KCNQ5: variants seen among roughly 807,000 people sequenced by gnomAD.
KCNQ5 encodes potassium voltage-gated channel subfamily KQT member 5.
KCNQ5 carries 30 observed loss-of-function variants against 98.2 expected under a neutral mutation model. The ratio of observed to expected loss-of-function variants is 0.31; its 90% confidence interval spans 0.23 to 0.41. KCNQ5 has a LOEUF of 0.41. Among genes scored for constraint, KCNQ5 ranks in the 10% least tolerant of loss-of-function variants. The pLI is 1.00. For missense variants in KCNQ5, 835 were observed against 1,182.5 expected, an observed-to-expected ratio of 0.71 and a Z score of 4.31; for synonymous variants, 458 against 449.4, an observed-to-expected ratio of 1.02 and a Z score of -0.24.
intron 1 of KCNQ5, among the ~76,000 whole-genome samples, chr6:72,860,067 A>G (rs921895780): frequency 6.6e-6 from 1 of 152,166 alleles, no homozygotes; most frequent in African/African-American, 2.4e-5. Flanking sequence ...AGGGAAGACA[A>G]TGCCCTCTCC....
At chr6:73,136,379 A>G (rs1000336448) in intron 10 of KCNQ5, among the ~76,000 whole-genome samples, 1 of 152,222 alleles carries the variant, frequency 6.6e-6, no homozygotes, top group East Asian at 1.9e-4. Context: ...AGTCACCACT[A>G]TCTATCACAA....
chr6:72,885,645 G>A lies in KCNQ5; in HGVS notation c.399-118263G>A, dbSNP rs891590391. On this transcript the variant is annotated intron_variant, in intron 1 of 13. Transcript: ENST00000370398. The stretch of plus-strand genomic sequence containing the variant: ...AAAAAAATAAGAGAGCCCCTTAAAG[G>A]CCTGAATTAAAGAGCGATTTTGAAT... Among the ~76,000 whole-genome samples the A allele has an allele frequency of 2.6e-5, 4 of 152,102 alleles. 1 individual carries two copies. In the South Asian group the frequency reaches 8.3e-4, roughly 32 times the overall value.
chr6:72,764,448 C>T (rs1047760413), intron 1 of KCNQ5, among the ~76,000 whole-genome samples: 2 of 151,798 alleles, frequency 1.3e-5, no homozygotes, highest in African/African-American at 4.8e-5. Flanking sequence ...AATCCCTGAT[C>T]CCTTTTTTAT....
In KCNQ5 at chr6:72,979,957, G is replaced by C. The variant is rs543108488; in HGVS notation, c.399-23951G>C. 2.0e-4 allele frequency among the ~76,000 whole-genome samples: 31 copies of C among 152,186 alleles called. 1 individual carries two copies. In the South Asian group the frequency reaches 5.2e-3, roughly 26 times the overall value. On this transcript the variant is annotated intron_variant, in intron 1 of 13. Coordinates refer to ENST00000370398, the MANE Select transcript of KCNQ5 (RefSeq NM_019842.4). Reference sequence around the variant, plus strand: ...AATTCTTTCCCCATTTCTTGTTTTTGTCAGGTTTGCCAAAGCTCAGATGGT... The same window carrying C: ...AATTCTTTCCCCATTTCTTGTTTTTCTCAGGTTTGCCAAAGCTCAGATGGT...
chr6:72,638,012 G>A (rs1311488576), intron 1 of KCNQ5, among the ~76,000 whole-genome samples: 2 of 152,174 alleles, frequency 1.3e-5, no homozygotes, highest in African/African-American at 2.4e-5. Flanking sequence ...CTTCCCAAAC[G>A]AAGCAGCTAC....
At position 73,197,451 on chromosome 6, in the gene KCNQ5, TA is replaced by T. The variant is rs1274449326; in HGVS notation, c.*2039del. ...TAGAGGCTAAATTTTACACTTCAGT[TA>T]AGACATTGTCAATCCTTTTAAGCAA... On this transcript the variant is annotated 3_prime_UTR_variant, in exon 14 of 14. Coordinates refer to ENST00000370398, the MANE Select transcript of KCNQ5 (RefSeq NM_019842.4). The T allele has an allele frequency of 6.6e-6, 1 of 152,164 alleles. No individual in the cohort carries two copies. The highest frequency in any genetic ancestry group is 1.5e-5 in the Non-Finnish European group (1 of 68,032). 9.4% of individuals were successfully genotyped at this position (152,164 alleles called of 1,614,324 possible). A position where few individuals can be genotyped will look rare whatever the true frequency, so the allele number is the denominator to read the frequency against.
intron 5 of KCNQ5, among the ~76,000 whole-genome samples, chr6:73,100,650 C>A (rs1403283420): frequency 1.4e-5 from 2 of 147,216 alleles, no homozygotes; most frequent in African/African-American, 2.5e-5. Context: ...GCCTGGGCAA[C>A]AGAGTGAGAC....
At chr6:72,944,958 G>A (rs1766468104) in intron 1 of KCNQ5, among the ~76,000 whole-genome samples, 1 of 152,090 alleles carries the variant, frequency 6.6e-6, no homozygotes, top group Non-Finnish European at 1.5e-5. Context: ...AAATTCCTGA[G>A]GACAGAATTT....
At chr6:73,056,129 G>A (rs779032964) in intron 3 of KCNQ5, among the ~76,000 whole-genome samples, 10 of 152,314 alleles carry the variant, frequency 6.6e-5, no homozygotes, top group Non-Finnish European at 1.3e-4. Flanking sequence ...TTGGGTTTTT[G>A]CAAGTGCTTT....
At chr6:72,741,816 T>C (rs1771143413) in intron 1 of KCNQ5, among the ~76,000 whole-genome samples, 1 of 152,138 alleles carries the variant, frequency 6.6e-6, no homozygotes, top group Non-Finnish European at 1.5e-5. Flanking sequence ...TGCTTCCTGG[T>C]GGTAGTTTCT....
At chr6:72,725,403 T>C (rs541723822) in intron 1 of KCNQ5, among the ~76,000 whole-genome samples, 2 of 152,266 alleles carry the variant, frequency 1.3e-5, no homozygotes, top group East Asian at 3.9e-4. Flanking sequence ...GTAGTATATG[T>C]GGGAGGACAT....
intron 3 of KCNQ5, among the ~76,000 whole-genome samples, chr6:73,065,394 T>C (rs1208317141): frequency 6.6e-6 from 1 of 152,158 alleles, no homozygotes; most frequent in Non-Finnish European, 1.5e-5. Context: ...TCCTCCTGAC[T>C]TTAACCTCAC....
rs1772423223 is a variant in KCNQ5, at chr6:73,055,206, C to CGGCAA, written c.616+13145_616+13149dup. The CGGCAA allele has an allele frequency of 2.8e-6, 3 of 1,055,570 alleles. No individual in the cohort carries two copies. The Admixed American group carries it at 5.1e-5, about 18-fold the overall frequency. The allele number at this position is 1,055,570 out of a possible 1,614,324, so 65.4% of individuals were successfully genotyped here. ...ATCCTGAGCCCAGCGGGCCATGAGG[C>CGGCAA]GGCAAAGCAGGCACGGCGAGATGCT... On this transcript the variant is annotated intron_variant, in intron 3 of 13. Transcript: ENST00000370398.
chr6:72,685,137 T>C (rs1471221523), intron 1 of KCNQ5, among the ~76,000 whole-genome samples: 1 of 152,180 alleles, frequency 6.6e-6, no homozygotes, highest in Non-Finnish European at 1.5e-5. Context: ...ATTGAATGAA[T>C]CCAGGCAAAC....
rs372868505 is a variant in KCNQ5 at position 73,044,734 on chromosome 6, C to T, written c.616+2672C>T. ...TGAACACTGTAGTCGCCTTGTTCAA[C>T]CTAATTTACTGTGACAAAATGAAAA... On this transcript the variant is annotated intron_variant, in intron 3 of 13. Transcript: ENST00000370398. Among the ~76,000 whole-genome samples, 10 of 152,264 alleles carry T rather than the reference C, an allele frequency of 6.6e-5. No homozygotes were observed. The South Asian group carries it at 2.1e-3, about 32-fold the overall frequency.
rs148844303 is a variant in KCNQ5 at position 72,984,560 on chromosome 6, A to G, written c.399-19348A>G. On this transcript the variant is annotated intron_variant, in intron 1 of 13. Transcript: ENST00000370398. ...TCCTGGTTTGCTGTTTGCTAAGACCATTGGAAAAGCCTAGTATTGGGGTGG... is the reference window on the plus strand; with the variant it reads ...TCCTGGTTTGCTGTTTGCTAAGACCGTTGGAAAAGCCTAGTATTGGGGTGG... Among the ~76,000 whole-genome samples the G allele has an allele frequency of 1.8e-3, 276 of 152,306 alleles. 1 individual carries two copies. Among genetic ancestry groups the G allele is most frequent in the African/African-American group, 6.3e-3 (262 of 41,566 alleles).
At chr6:72,854,781 T>TGTGTGTGC (rs1777456883) in intron 1 of KCNQ5, among the ~76,000 whole-genome samples, 2 of 146,396 alleles carry the variant, frequency 1.4e-5, no homozygotes, top group South Asian at 4.4e-4. Flanking sequence ...TGTGTGTGTG[T>TGTGTGTGC]GTGCGTGCGT....
chr6:72,660,814 G>T (rs984938198), intron 1 of KCNQ5, among the ~76,000 whole-genome samples: 3 of 152,082 alleles, frequency 2.0e-5, no homozygotes, highest in African/African-American at 7.2e-5. Context: ...GAACTAACAG[G>T]TACTAAAATG....
In KCNQ5 at chr6:73,067,857, A is replaced by G. The variant is rs181274981; in HGVS notation, c.617-9465A>G. Among the ~76,000 whole-genome samples, 1,355 of 143,544 alleles carry G rather than the reference A, an allele frequency of 9.4e-3. 10 individuals carry two copies. The highest frequency in any genetic ancestry group is 0.051 in the East Asian group (256 of 5,050). The allele number at this position is 143,544 out of a possible 152,430, so 94.2% of individuals were successfully genotyped here. On this transcript the variant is annotated intron_variant, in intron 3 of 13. Coordinates refer to ENST00000370398, the MANE Select transcript of KCNQ5 (RefSeq NM_019842.4). ...TACATGGCTATTAAAGATCATTTGG[A>G]CAAAAGATATATATATATATATATA...
Sources: gnomAD v4.1 joint callset for allele counts (sites outside exome capture counted in the v4.1 genomes callset) on GRCh38, gnomAD v4.1.1 for gene constraint, MANE v1.5 for transcripts, NCBI Gene and HGNC (gene_info 2026-07-23, HGNC 2026-07-21) for gene names.